The following LGR5 variants were observed in gnomAD, a reference collection of about 807,000 sequenced individuals.
LGR5 encodes leucine-rich repeat-containing G protein-coupled receptor 5.
A neutral mutation model predicts 76.7 loss-of-function variants in LGR5; 54 were observed. That is an observed-to-expected ratio of 0.70 (90% CI 0.57 to 0.88). LGR5 has a LOEUF of 0.88. LGR5 is among the 40% of genes least tolerant of loss of function. The pLI, the probability that LGR5 is intolerant of heterozygous loss-of-function variation, is 0.00. For missense variants in LGR5, 1,078 were observed against 1,073.3 expected (o/e 1.00, Z -0.06); for synonymous variants, 406 against 421.9 (o/e 0.96, Z 0.46).
intron 3 of LGR5, among the ~76,000 whole-genome samples, chr12:71,530,619 A>C (rs1169839548): frequency 6.6e-6 from 1 of 152,214 alleles, no homozygotes; most frequent in Non-Finnish European, 1.5e-5. Context: ...AATAAAAAAA[A>C]TAAGTAATTG....
intron 1 of LGR5, among the ~76,000 whole-genome samples, chr12:71,458,173 A>G (rs1592458248): frequency 6.6e-6 from 1 of 152,046 alleles, no homozygotes; most frequent in Non-Finnish European, 1.5e-5. Flanking sequence ...TTCCCTTTTC[A>G]AACTGTTGTA....
intron 8 of LGR5, among the ~76,000 whole-genome samples, chr12:71,563,751 C>T (rs920410614): frequency 3.3e-5 from 5 of 152,134 alleles, no homozygotes; most frequent in African/African-American, 1.2e-4. Context: ...CTCTCCCGAA[C>T]ATATGAGAGA....
At chr12:71,515,697 A>G (rs1168297862) in intron 2 of LGR5, among the ~76,000 whole-genome samples, 1 of 152,226 alleles carries the variant, frequency 6.6e-6, no homozygotes, top group Non-Finnish European at 1.5e-5. Context: ...TTAATTTAAC[A>G]TTTATAGACT....
intron 1 of LGR5, among the ~76,000 whole-genome samples, chr12:71,496,771 G>T (rs1336790168): frequency 6.6e-6 from 1 of 152,134 alleles, no homozygotes; most frequent in Non-Finnish European, 1.5e-5. Flanking sequence ...ACAAACTATT[G>T]CTATGCACAA....
At chr12:71,563,439 G>A (rs752894225) in intron 8 of LGR5, among the ~76,000 whole-genome samples, 3 of 152,128 alleles carry the variant, frequency 2.0e-5, no homozygotes, top group African/African-American at 4.8e-5. Flanking sequence ...TTGAAGCACG[G>A]CAACCATCTT....
intron 7 of LGR5, 90 bp from the exon 8 acceptor site, chr12:71,561,691 C>G: frequency 1.6e-6 from 1 of 621,804 alleles, no homozygotes; most frequent in South Asian, 2.4e-5. Context: ...ACTAAAGGTT[C>G]TGATTATTGC....
intron 1 of LGR5, among the ~76,000 whole-genome samples, chr12:71,486,947 A>G (rs1873856767): frequency 6.6e-6 from 1 of 152,324 alleles, no homozygotes; most frequent in South Asian, 2.1e-4. Context: ...AATGACCCTA[A>G]GTTAAGGATT....
At chr12:71,545,592 C>CT (rs543070221) in intron 4 of LGR5, among the ~76,000 whole-genome samples, 30 of 149,484 alleles carry the variant, frequency 2.0e-4, no homozygotes, top group East Asian at 2.0e-3. Context: ...ACACTTTTGG[C>CT]TTTTTTTTTT....
chr12:71,454,272 T>G, intron 1 of LGR5, among the ~76,000 whole-genome samples: 1 of 152,134 alleles, frequency 6.6e-6, no homozygotes, highest in East Asian at 1.9e-4. Context: ...AATTCCCGAG[T>G]GCCTACTGAA....
chr12:71,527,126 T>C (rs17815047), intron 3 of LGR5, among the ~76,000 whole-genome samples: 33,060 of 152,054 alleles, frequency 0.22, 4,050 homozygotes, highest in Middle Eastern at 0.29. Context: ...GACTTTGCAC[T>C]ATAGCTGGGT....
chr12:71,566,852 G>C lies in LGR5; in HGVS notation c.1010G>C (p.Gly337Ala), dbSNP rs1203561781. ...TTGTGTTTTAACAGGACTTTAACTG[G>C]AGCACAGATCTCATCTCTTCCTCAA... ...TANLESLTLTGAQISSLPQTV... is the reference protein window; with the variant it reads ...TANLESLTLTAAQISSLPQTV... The change falls in exon 11 of 18, where the codon GGA becomes GCA. Residue 337 changes from glycine (G) to alanine (A), a missense_variant. By Grantham distance (60) the Gly-to-Ala change is moderately conservative. Coordinates refer to ENST00000266674, the MANE Select transcript of LGR5 (RefSeq NM_003667.4). 6.2e-7 allele frequency: 1 copy of C among 1,613,576 alleles called. No individual in the cohort carries two copies. Among genetic ancestry groups the C allele is most frequent in the Non-Finnish European group, 8.5e-7 (1 of 1,179,570 alleles).
At chr12:71,538,332 G>C (rs1269720348) in intron 4 of LGR5, among the ~76,000 whole-genome samples, 1 of 152,068 alleles carries the variant, frequency 6.6e-6, no homozygotes, top group Admixed American at 6.5e-5. Context: ...GGACAACATA[G>C]TGAGACCCCT....
intron 1 of LGR5, among the ~76,000 whole-genome samples, chr12:71,450,613 T>C (rs1872209003): frequency 1.3e-5 from 2 of 152,192 alleles, no homozygotes; most frequent in African/African-American, 4.8e-5. Context: ...CCAGCCTCTG[T>C]TCATAGTAGT....
intron 8 of LGR5, among the ~76,000 whole-genome samples, chr12:71,564,091 C>T (rs1231700859): frequency 0.019 from 26 of 1,372 alleles, no homozygotes; most frequent in African/African-American, 0.025. Flanking sequence ...TCTGTACACA[C>T]GCACCGTGTA....
chr12:71,454,005 G>T (rs1292438373), intron 1 of LGR5, among the ~76,000 whole-genome samples: 5 of 152,084 alleles, frequency 3.3e-5, no homozygotes, highest in African/African-American at 1.2e-4. Flanking sequence ...ACTTGGACTT[G>T]TGTTTCAAGC....
At chr12:71,456,059 T>C (rs543199472) in intron 1 of LGR5, among the ~76,000 whole-genome samples, 87 of 152,306 alleles carry the variant, frequency 5.7e-4, no homozygotes, top group Non-Finnish European at 1.0e-3. Flanking sequence ...TGATGGAACA[T>C]TGACTATGAG....
intron 1 of LGR5, among the ~76,000 whole-genome samples, chr12:71,492,799 G>A (rs953429077): frequency 6.9e-6 from 1 of 145,558 alleles, no homozygotes; most frequent in African/African-American, 2.8e-5. Flanking sequence ...GTTATGATAT[G>A]CATGAAGAGG....
Position 71,583,650 on chromosome 12 carries a change from C to T in LGR5, c.1640C>T (p.Pro547Leu). ...HSVQCSPSPG[P>L]FKPCEHLLDG... The stretch of plus-strand genomic sequence containing the variant: ...TTTGCCTTCCTTGGACTTCTAGGCC[C>T]CTTCAAACCCTGTGAACACCTGCTT... The change falls in exon 18 of 18, where the codon CCC (proline) becomes CTC (leucine). Residue 547 changes from proline (P) to leucine (L), a missense_variant. Transcript: ENST00000266674. The T allele has an allele frequency of 1.2e-6, 2 of 1,609,122 alleles. No individual in the cohort carries two copies. Among genetic ancestry groups the T allele is most frequent in the South Asian group, 1.1e-5 (1 of 90,610 alleles).
intron 1 of LGR5, among the ~76,000 whole-genome samples, chr12:71,448,080 C>G (rs949943992): frequency 7.3e-6 from 1 of 136,604 alleles, no homozygotes; most frequent in East Asian, 2.1e-4. Context: ...CTCACACACA[C>G]ACAAACACAC....
Sources: allele counts gnomAD v4.1 joint callset (sites outside exome capture counted in the v4.1 genomes callset), GRCh38; gene constraint gnomAD v4.1.1; transcripts MANE v1.5; gene names NCBI Gene and HGNC (gene_info 2026-07-23, HGNC 2026-07-21).